CD59: variants seen among roughly 807,000 people sequenced by gnomAD.
CD59 encodes the protein CD59 glycoprotein.
A neutral mutation model predicts 7.0 loss-of-function variants in CD59; 3 were observed. The observed-to-expected ratio is 0.43, with a 90% CI of 0.19 to 1.10. The LOEUF (loss-of-function observed/expected upper bound fraction) is 1.10. CD59 is among the 50% of genes least tolerant of loss of function. The pLI, the probability that CD59 is intolerant of heterozygous loss-of-function variation, is 0.29. For synonymous variants in CD59, 60 were observed against 62.0 expected, an observed-to-expected ratio of 0.97 and a Z score of 0.15; for missense variants, 143 against 151.0, an observed-to-expected ratio of 0.95 and a Z score of 0.28.
rs375331661 is a variant in CD59, at chr11:33,710,089, G to C, written c.*37C>G. 1.6e-5 allele frequency: 23 copies of C among 1,467,268 alleles called. No individual in the cohort carries two copies. The highest frequency in any genetic ancestry group is 2.3e-5 in the South Asian group (2 of 86,138). 90.9% of individuals were successfully genotyped at this position (1,467,268 alleles called of 1,614,324 possible). Reference sequence around the variant, plus strand: ...CAGCAAGAGAAAGCGGACTACGCAGGAACGGGGAGTTTGGGAGAAGCTCTC... The same window carrying C: ...CAGCAAGAGAAAGCGGACTACGCAGCAACGGGGAGTTTGGGAGAAGCTCTC... On this transcript the variant is annotated 3_prime_UTR_variant, in exon 4 of 4. Coordinates refer to ENST00000642928, the MANE Select transcript of CD59 (RefSeq NM_000611.6).
At chr11:33,713,500 G>A (rs1389203551) in intron 3 of CD59, among the ~76,000 whole-genome samples, 1 of 152,226 alleles carries the variant, frequency 6.6e-6, no homozygotes, top group African/African-American at 2.4e-5. Flanking sequence ...GTTTAGTCAA[G>A]TGGCAGAGTC....
At chr11:33,733,401 G>GAGGCCAGGAGTTCC (rs1854474947) in intron 1 of CD59, 1 of 152,216 alleles carries the variant, frequency 6.6e-6, no homozygotes, top group African/African-American at 2.4e-5. Flanking sequence ...TGGATCACTT[G>GAGGCCAGGAGTTCC]AGGCCAGGAG....
At position 33,707,237 on chromosome 11, in the gene CD59, C is replaced by T. The variant is rs1310951443; in HGVS notation, c.*2889G>A. The T allele has an allele frequency of 5.9e-5, 9 of 152,194 alleles. No homozygotes were observed. Among genetic ancestry groups the T allele is most frequent in the Admixed American group, 5.9e-4 (9 of 15,282 alleles). The allele number at this position is 152,194 out of a possible 1,614,324, so 9.4% of individuals were successfully genotyped here. The stretch of plus-strand genomic sequence containing the variant: ...ACAGAAACTAATGCGAGCTAGTAGA[C>T]TTTGAACACTGCTAAAGAACTTACC... On this transcript the variant is annotated 3_prime_UTR_variant, in exon 4 of 4. Transcript: ENST00000642928.
chr11:33,731,192 G>T (rs950497121), intron 1 of CD59, among the ~76,000 whole-genome samples: 1 of 151,792 alleles, frequency 6.6e-6, no homozygotes, highest in African/African-American at 2.4e-5. Flanking sequence ...CCGTGTAGGT[G>T]GTCAGTGTCC....
chr11:33,717,619 A>G (rs1853860460), intron 2 of CD59, 148 bp from the exon 3 acceptor site: 2 of 666,856 alleles, frequency 3.0e-6, no homozygotes, highest in African/African-American at 1.8e-5. Context: ...TATCTTTCCA[A>G]ATTCAAACTA....
At chr11:33,725,113 C>T (rs549007646) in intron 1 of CD59, among the ~76,000 whole-genome samples, 4 of 151,842 alleles carry the variant, frequency 2.6e-5, no homozygotes, top group Non-Finnish European at 4.4e-5. Context: ...TCTTCCTGAT[C>T]CTTTACTTTT....
At chr11:33,728,905 T>G (rs1854333977) in intron 1 of CD59, among the ~76,000 whole-genome samples, 1 of 152,084 alleles carries the variant, frequency 6.6e-6, no homozygotes, top group Non-Finnish European at 1.5e-5. Context: ...GCCAACAAAC[T>G]TATGAAAAAA....
At chr11:33,735,502 C>A (rs1277615052) in intron 1 of CD59, among the ~76,000 whole-genome samples, 1 of 152,148 alleles carries the variant, frequency 6.6e-6, no homozygotes, top group East Asian at 1.9e-4. Flanking sequence ...ATGGCGCGAT[C>A]TCGGCTCACC....
At chr11:33,732,986 A>G (rs1854462032) in intron 1 of CD59, among the ~76,000 whole-genome samples, 1 of 152,204 alleles carries the variant, frequency 6.6e-6, no homozygotes, top group South Asian at 2.1e-4. Context: ...GACAACAGAA[A>G]AAGAGGCAAG....
At chr11:33,714,903 G>A (rs955640395) in intron 3 of CD59, among the ~76,000 whole-genome samples, 2 of 150,494 alleles carry the variant, frequency 1.3e-5, no homozygotes, top group African/African-American at 4.9e-5. Flanking sequence ...CCTTCTTCTG[G>A]AATACCTCCT....
chr11:33,719,047 A>T (rs1853930790), intron 2 of CD59: 1 of 152,224 alleles, frequency 6.6e-6, no homozygotes, highest in Non-Finnish European at 1.5e-5. Context: ...CTCACAAAAG[A>T]ATGTCATGGT....
intron 1 of CD59, among the ~76,000 whole-genome samples, chr11:33,728,722 G>A (rs554577450): frequency 6.6e-6 from 1 of 152,328 alleles, no homozygotes; most frequent in Admixed American, 6.5e-5. Flanking sequence ...ACTGTCAGCA[G>A]AGTGAAAAGG....
intron 1 of CD59, among the ~76,000 whole-genome samples, chr11:33,730,707 G>A (rs566379923): frequency 2.6e-5 from 4 of 152,096 alleles, no homozygotes; most frequent in Admixed American, 6.5e-5. Flanking sequence ...GTGATCTCTT[G>A]CAGTTCTTGA....
In CD59 at chr11:33,709,845, C is replaced by T. The variant is rs1001793974; in HGVS notation, c.*281G>A. On this transcript the variant is annotated 3_prime_UTR_variant, in exon 4 of 4. Coordinates refer to ENST00000642928, the MANE Select transcript of CD59 (RefSeq NM_000611.6). ...AGAGAACCCACTCAAGCTGTCACTG[C>T]AAAGCTGGTCTTCCCAAGAGCAAAG... 2 of 547,554 alleles carry T rather than the reference C, an allele frequency of 3.7e-6. No individual in the cohort carries two copies. The highest frequency in any genetic ancestry group is 1.9e-5 in the African/African-American group (1 of 52,780). 33.9% of individuals were successfully genotyped at this position (547,554 alleles called of 1,614,324 possible).
At chr11:33,712,528 C>T (rs571253548) in intron 3 of CD59, among the ~76,000 whole-genome samples, 1 of 152,182 alleles carries the variant, frequency 6.6e-6, no homozygotes, top group Non-Finnish European at 1.5e-5. Flanking sequence ...AAAAGCTAGT[C>T]GCAAAGTGCC....
Position 33,708,185 on chromosome 11 carries a change from T to A in CD59, c.*1941A>T, listed in dbSNP as rs1002798975. On this transcript the variant is annotated 3_prime_UTR_variant, in exon 4 of 4. Transcript: ENST00000642928. ...CAGGCACTCAACCTTGTCTATGGCATGAGTCACAGCAACTTTTTGCAGAAA... is the reference window on the plus strand; with the variant it reads ...CAGGCACTCAACCTTGTCTATGGCAAGAGTCACAGCAACTTTTTGCAGAAA... The A allele has an allele frequency of 2.0e-5, 3 of 152,242 alleles. No individual in the cohort carries two copies. Among genetic ancestry groups the A allele is most frequent in the Non-Finnish European group, 4.4e-5 (3 of 68,062 alleles). 9.4% of individuals were successfully genotyped at this position (152,242 alleles called of 1,614,324 possible).
rs539604875 is a variant in CD59, at chr11:33,704,516, G to A, written c.*5610C>T. 2.0e-5 allele frequency: 3 copies of A among 152,236 alleles called. No individual in the cohort carries two copies. Among genetic ancestry groups the A allele is most frequent in the East Asian group, 1.9e-4 (1 of 5,178 alleles). The allele number at this position is 152,236 out of a possible 1,614,324, so 9.4% of individuals were successfully genotyped here. On this transcript the variant is annotated 3_prime_UTR_variant, in exon 4 of 4. Transcript: ENST00000642928. ...CTCACACCTGAGAAGCTGCTTCTAC[G>A]ACCTGCTGAGGACATAATGATAAAC... is the stretch of plus-strand genomic sequence containing the variant.
intron 1 of CD59, 118 bp from the exon 2 acceptor site, chr11:33,722,581 A>G: frequency 1.3e-6 from 2 of 1,529,894 alleles, no homozygotes; most frequent in Non-Finnish European, 1.8e-6. Context: ...AGGGGGAGTC[A>G]AGGCACACTG....
chr11:33,708,700 A>G lies in CD59; in HGVS notation c.*1426T>C, dbSNP rs546578137. 6.6e-6 allele frequency: 1 copy of G among 152,120 alleles called. No homozygotes were observed. Among genetic ancestry groups the G allele is most frequent in the African/African-American group, 2.4e-5 (1 of 41,498 alleles). The allele number at this position is 152,120 out of a possible 1,614,324, so 9.4% of individuals were successfully genotyped here. A position where few individuals can be genotyped will look rare whatever the true frequency, so the allele number is the denominator to read the frequency against. On this transcript the variant is annotated 3_prime_UTR_variant, in exon 4 of 4. Coordinates refer to ENST00000642928, the MANE Select transcript of CD59 (RefSeq NM_000611.6). ...GCTAAGTTTTGATAAGCAAGTTTCT[A>G]TTTTCCTATGTTCAGGGAACGGCAT...
Sources: allele counts gnomAD v4.1 joint callset (sites outside exome capture counted in the v4.1 genomes callset), GRCh38; gene constraint gnomAD v4.1.1; transcripts MANE v1.5; gene names NCBI Gene and HGNC (gene_info 2026-07-23, HGNC 2026-07-21).